NFAT5: variants seen among roughly 807,000 people sequenced by gnomAD.
NFAT5 encodes the protein nuclear factor of activated T-cells 5.
In NFAT5, 31 loss-of-function variants were observed where a neutral mutation model predicts 166.5. The observed-to-expected ratio is 0.19, with a 90% CI of 0.14 to 0.25. The LOEUF (loss-of-function observed/expected upper bound fraction) is 0.25, where lower values mean the gene tolerates loss of function less well. Among genes scored for constraint, NFAT5 ranks in the 10% least tolerant of loss-of-function variants. The probability of loss-of-function intolerance (pLI) is 1.00; values close to 1 mark genes in which losing one functional copy is unlikely to be tolerated. For missense variants in NFAT5, 1,449 were observed against 1,821.8 expected (o/e 0.80, Z 3.72); for synonymous variants, 612 against 639.7 (o/e 0.96, Z 0.65).
intron 4 of NFAT5, chr16:69,648,369 G>T (rs2035535277): frequency 1.0e-6 from 1 of 982,288 alleles, no homozygotes; most frequent in African/African-American, 1.8e-5. Flanking sequence ...ACTAAATTGA[G>T]AGTTTGATTC....
At chr16:69,583,223 G>A (rs112903162) in intron 2 of NFAT5, among the ~76,000 whole-genome samples, 4 of 151,520 alleles carry the variant, frequency 2.6e-5, no homozygotes, top group African/African-American at 9.7e-5. Context: ...AAGGGATGGG[G>A]TCTCATTCTG....
At chr16:69,638,629 G>A (rs1015501757) in intron 3 of NFAT5, among the ~76,000 whole-genome samples, 3 of 151,410 alleles carry the variant, frequency 2.0e-5, no homozygotes, top group Non-Finnish European at 2.9e-5. Flanking sequence ...CCAGCGACTC[G>A]GGAGGCTGAG....
intron 3 of NFAT5, among the ~76,000 whole-genome samples, chr16:69,629,828 GTGTGACCT>G (rs2034630874): frequency 6.8e-6 from 1 of 147,852 alleles, no homozygotes; most frequent in Non-Finnish European, 1.5e-5. Flanking sequence ...GAATGCACTG[GTGTGACCT>G]TGACTCACTG....
At chr16:69,617,983 A>C (rs996438630) in intron 2 of NFAT5, among the ~76,000 whole-genome samples, 8 of 151,968 alleles carry the variant, frequency 5.3e-5, no homozygotes, top group African/African-American at 1.9e-4. Context: ...ACATGGAGAA[A>C]ACCTGTCTCT....
At chr16:69,598,872 G>C (rs1321802599) in intron 2 of NFAT5, among the ~76,000 whole-genome samples, 51 of 151,828 alleles carry the variant, frequency 3.4e-4, no homozygotes, top group Non-Finnish European at 1.0e-4. Context: ...AAATTAGCCG[G>C]GCGCGATGGT....
intron 3 of NFAT5, among the ~76,000 whole-genome samples, chr16:69,641,944 C>A (rs559090592): frequency 5.9e-4 from 89 of 151,702 alleles, no homozygotes; most frequent in Non-Finnish European, 1.0e-3. Context: ...CAAAAAAATA[C>A]AAAAATTAGC....
At chr16:69,644,762 G>A in intron 3 of NFAT5, 1 of 426,404 alleles carries the variant, frequency 2.3e-6, no homozygotes, top group Non-Finnish European at 4.7e-6. Context: ...GTTCATGATT[G>A]CTTTTCACCT....
intron 3 of NFAT5, among the ~76,000 whole-genome samples, chr16:69,636,835 T>C (rs1311319956): frequency 6.6e-6 from 1 of 152,182 alleles, no homozygotes; most frequent in African/African-American, 2.4e-5. Context: ...TGACATGGCC[T>C]GGAGACATTT....
chr16:69,693,237 C>G lies in NFAT5; in HGVS notation c.3412C>G (p.Gln1138Glu). 6.2e-7 allele frequency: 1 copy of G among 1,614,200 alleles called. No homozygotes were observed. Among genetic ancestry groups the G allele is most frequent in the East Asian group, 2.2e-5 (1 of 44,888 alleles). ...EQMQPPMFHS[Q>E]STIAVLQGSS... ...AATGCAGCCTCCAATGTTTCACTCT[C>G]AAAGTACCATTGCTGTGTTACAGGG... Residue 1138 changes from glutamine (Q) to glutamate (E), a missense_variant, in exon 13 of 15, where the codon CAA becomes GAA. Gln to Glu is a conservative substitution (Grantham distance 29, BLOSUM62 2). Around this residue, in one of 7 missense-constraint regions of NFAT5, gnomAD observed 891 missense variants for 993.0 expected, o/e 0.90. Transcript: ENST00000349945.
intron 10 of NFAT5, among the ~76,000 whole-genome samples, chr16:69,677,546 A>G (rs150553224): frequency 5.5e-4 from 84 of 152,304 alleles, no homozygotes; most frequent in African/African-American, 1.9e-3. Flanking sequence ...ACCTTATGCT[A>G]TAATAATAAA....
intron 2 of NFAT5, among the ~76,000 whole-genome samples, chr16:69,618,779 T>G (rs2034071026): frequency 6.6e-6 from 1 of 152,178 alleles, no homozygotes; most frequent in Non-Finnish European, 1.5e-5. Context: ...AAAAAAAGAT[T>G]AAAATGTTTA....
chr16:69,600,307 A>G (rs2033058314), intron 2 of NFAT5, among the ~76,000 whole-genome samples: 2 of 152,288 alleles, frequency 1.3e-5, no homozygotes, highest in Non-Finnish European at 2.9e-5. Context: ...TTGATAACCA[A>G]GCAATTTGAA....
chr16:69,601,138 T>A (rs970497743), intron 2 of NFAT5, among the ~76,000 whole-genome samples: 59 of 152,092 alleles, frequency 3.9e-4, no homozygotes, highest in African/African-American at 1.2e-3. Flanking sequence ...CATTTTTTTT[T>A]AAATATGGAA....
chr16:69,668,491 A>C (rs2036493965), intron 7 of NFAT5, among the ~76,000 whole-genome samples: 1 of 152,214 alleles, frequency 6.6e-6, no homozygotes, highest in Non-Finnish European at 1.5e-5. Flanking sequence ...AAGTGTAAAC[A>C]CAGAATTCAT....
chr16:69,683,260 G>A (rs1341655328), intron 10 of NFAT5, among the ~76,000 whole-genome samples: 8 of 152,056 alleles, frequency 5.3e-5, no homozygotes, highest in African/African-American at 1.7e-4. Flanking sequence ...GGCCAAGCAC[G>A]GTGGTTCATG....
At chr16:69,605,414 AG>A (rs1266002704) in intron 2 of NFAT5, among the ~76,000 whole-genome samples, 1 of 152,164 alleles carries the variant, frequency 6.6e-6, no homozygotes, top group African/African-American at 2.4e-5. Flanking sequence ...CACCCTAGCC[AG>A]GGCAACAGAG....
rs1567583849 is a variant in NFAT5 at position 69,659,709 on chromosome 16, A to G, written c.1197-18A>G. 2.0e-6 allele frequency: 3 copies of G among 1,520,070 alleles called. No individual in the cohort carries two copies. Among genetic ancestry groups the G allele is most frequent in the African/African-American group, 1.4e-5 (1 of 71,986 alleles). 94.2% of individuals were successfully genotyped at this position (1,520,070 alleles called of 1,614,324 possible). A position where few individuals can be genotyped will look rare whatever the true frequency, so the allele number is the denominator to read the frequency against. On this transcript the variant is annotated intron_variant, in intron 6 of 14. Transcript: ENST00000349945. ...TATACAACAAAATGTCCCTTTATAT[A>G]TTTTTTTTCTGTATTAGGGTGGACT...
intron 3 of NFAT5, among the ~76,000 whole-genome samples, chr16:69,641,277 CAAAA>C (rs60281310): frequency 1.4e-5 from 1 of 72,880 alleles, no homozygotes; most frequent in African/African-American, 5.3e-5. Flanking sequence ...GACTCCGTCT[CAAAA>C]AAAAAAAAAA....
chr16:69,581,448 C>T (rs372937365), intron 2 of NFAT5, among the ~76,000 whole-genome samples: 6 of 152,216 alleles, frequency 3.9e-5, no homozygotes, highest in East Asian at 3.9e-4. Context: ...TCTCTTGGGT[C>T]TGTCTATACA....
Sources: allele counts gnomAD v4.1 joint callset (sites outside exome capture counted in the v4.1 genomes callset), GRCh38; gene constraint gnomAD v4.1.1; regional missense constraint gnomAD v4.1.1; transcripts MANE v1.5; gene names NCBI Gene and HGNC (gene_info 2026-07-23, HGNC 2026-07-21).